Variants in DNAH17 observed in about 807,000 individuals in gnomAD.
DNAH17 encodes axonemal beta dynein heavy chain 17.
A neutral mutation model predicts 485.6 loss-of-function variants in DNAH17; 376 were observed. The observed-to-expected ratio is 0.77, with a 90% CI of 0.71 to 0.84. DNAH17 has a LOEUF of 0.84. DNAH17 is among the 40% of genes least tolerant of loss of function. The pLI is 0.00. For synonymous variants in DNAH17, 3,031 were observed against 2,405.9 expected (o/e 1.26, Z -7.60); for missense variants, 6,370 against 5,839.3 (o/e 1.09, Z -2.96).
intron 71 of DNAH17, among the ~76,000 whole-genome samples, chr17:78,443,540 G>A (rs1329185551): frequency 1.3e-5 from 1 of 75,622 alleles, no homozygotes; most frequent in African/African-American, 4.6e-5. Flanking sequence ...TGTCAGAAGG[G>A]AATTCTTTTT....
At chr17:78,456,097 G>A (rs920810539) in intron 62 of DNAH17, among the ~76,000 whole-genome samples, 1 of 152,004 alleles carries the variant, frequency 6.6e-6, no homozygotes, top group Non-Finnish European at 1.5e-5. Context: ...TCAGGGGGTC[G>A]ATACCAGCCT....
chr17:78,447,264 G>C (rs1012566059), intron 69 of DNAH17, among the ~76,000 whole-genome samples: 5 of 152,216 alleles, frequency 3.3e-5, no homozygotes, highest in African/African-American at 9.6e-5. Flanking sequence ...ATGCTGTTGT[G>C]AATGCTGATG....
chr17:78,460,396 A>C, intron 58 of DNAH17, 139 bp from the exon 59 acceptor site: 1 of 646,182 alleles, frequency 1.5e-6, no homozygotes, highest in Non-Finnish European at 2.6e-6. Flanking sequence ...ATATATGTGC[A>C]TGAGTGTATG....
rs1041355059 is a variant in DNAH17, at chr17:78,571,198, G to C, written c.832+81C>G. ...TCGCAGAGGGAGGCCAACATCCTAGGGTTGGTGACAAGTCTGACCCAGCCC... is the reference window on the plus strand; with the variant it reads ...TCGCAGAGGGAGGCCAACATCCTAGCGTTGGTGACAAGTCTGACCCAGCCC... On this transcript the variant is annotated intron_variant, in intron 5 of 80. Coordinates refer to ENST00000389840, the MANE Select transcript of DNAH17 (RefSeq NM_173628.4). 8.0e-6 allele frequency: 11 copies of C among 1,369,298 alleles called. No individual in the cohort carries two copies. The Admixed American group carries it at 1.4e-4, about 17-fold the overall frequency. 84.8% of individuals were successfully genotyped at this position (1,369,298 alleles called of 1,614,324 possible). A position where few individuals can be genotyped will look rare whatever the true frequency, so the allele number is the denominator to read the frequency against.
Position 78,485,898 on chromosome 17 carries a change from G to A in DNAH17, c.7275+62C>T, listed in dbSNP as rs949495664. Reference sequence around the variant, plus strand: ...GGACATTCCGTGCAGGCGTGTGGAGGGTACTGCACCGATTCCTGCCTCTAA... The same window carrying A: ...GGACATTCCGTGCAGGCGTGTGGAGAGTACTGCACCGATTCCTGCCTCTAA... On this transcript the variant is annotated intron_variant, in intron 46 of 80. Coordinates refer to ENST00000389840, the MANE Select transcript of DNAH17 (RefSeq NM_173628.4). 10 of 1,581,930 alleles carry A rather than the reference G, an allele frequency of 6.3e-6. No individual in the cohort carries two copies. In the East Asian group the frequency reaches 6.7e-5, roughly 11 times the overall value.
At chr17:78,441,260 C>G in intron 71 of DNAH17, 61 bp from the exon 72 acceptor site, 2 of 1,586,266 alleles carry the variant, frequency 1.3e-6, no homozygotes, top group Non-Finnish European at 1.7e-6. Context: ...GCGGGGCGCT[C>G]GGGGTGGGCT....
Position 78,462,835 on chromosome 17 carries a change from C to CT in DNAH17, c.9174+8dup, listed in dbSNP as rs757202538. 3 of 1,613,790 alleles carry CT rather than the reference C, an allele frequency of 1.9e-6. No homozygotes were observed. In the East Asian group the frequency reaches 6.7e-5, roughly 36 times the overall value. On this transcript the variant is annotated intron_variant, in intron 57 of 80. Coordinates refer to ENST00000389840, the MANE Select transcript of DNAH17 (RefSeq NM_173628.4). ...GCACAGGAGCTGGCAGCCAGCCCCC[C>CT]TCTCCTACCTGGGAAGCCGTGCTCT...
chr17:78,572,494 TG>T (rs900131921), intron 3 of DNAH17, among the ~76,000 whole-genome samples: 1 of 152,082 alleles, frequency 6.6e-6, no homozygotes, highest in African/African-American at 2.4e-5. Flanking sequence ...CTGCAGAGCC[TG>T]CTCCCTCCCT....
chr17:78,519,378 G>A (rs1323652782), intron 25 of DNAH17, among the ~76,000 whole-genome samples: 1 of 151,926 alleles, frequency 6.6e-6, no homozygotes, highest in Non-Finnish European at 1.5e-5. Flanking sequence ...AATAATCCAA[G>A]TTTCTACCTC....
At chr17:78,433,992 G>T in intron 75 of DNAH17, 37 bp downstream of exon 75, 1 of 1,525,220 alleles carries the variant, frequency 6.6e-7, no homozygotes, top group Non-Finnish European at 8.9e-7. Context: ...AAAGAGGGAG[G>T]GATATGTCCA....
intron 33 of DNAH17, 156 bp from the exon 34 acceptor site, chr17:78,502,029 C>G (rs898472952): frequency 9.4e-7 from 1 of 1,061,274 alleles, no homozygotes; most frequent in African/African-American, 1.6e-5. Flanking sequence ...CAGCCAGGCA[C>G]TGGTTTCACC....
intron 19 of DNAH17, among the ~76,000 whole-genome samples, chr17:78,535,615 C>T (rs985938671): frequency 2.0e-5 from 3 of 152,314 alleles, no homozygotes; most frequent in East Asian, 1.9e-4. Flanking sequence ...ACAAATCATA[C>T]GTGTCCATTA....
At chr17:78,541,409 T>G (rs540650706) in intron 17 of DNAH17, among the ~76,000 whole-genome samples, 2 of 148,844 alleles carry the variant, frequency 1.3e-5, no homozygotes, top group African/African-American at 5.0e-5. Context: ...GGGTGGATGG[T>G]TGGATGGATG....
At chr17:78,525,439 G>A (rs1385760790) in intron 24 of DNAH17, among the ~76,000 whole-genome samples, 4 of 152,234 alleles carry the variant, frequency 2.6e-5, no homozygotes, top group Non-Finnish European at 5.9e-5. Flanking sequence ...TTCCTCCTGA[G>A]AGTTTCTGAT....
rs368015530 is a variant in DNAH17 at position 78,491,506 on chromosome 17, G to A, written c.6606C>T (p.Ile2202=). Residue 2202 remains isoleucine (I), a synonymous_variant, in exon 43 of 81, where the codon ATC becomes ATT. Coordinates refer to ENST00000389840, the MANE Select transcript of DNAH17 (RefSeq NM_173628.4). ...NITHDGPKWI[I]LDGDIDPMWI... is the part of the protein sequence containing the mutation. The stretch of plus-strand genomic sequence containing the variant: ...ACATGGGGTCTATGTCTCCGTCAAG[G>A]ATGATCCACTTGGGGCCGTCATGGG... 128 of 1,613,850 alleles carry A rather than the reference G, an allele frequency of 7.9e-5. No individual in the cohort carries two copies. Among genetic ancestry groups the A allele is most frequent in the African/African-American group, 6.8e-4 (51 of 75,050 alleles).
Position 78,424,073 on chromosome 17 carries a change from TGAA to T in DNAH17, c.13219_13221del (p.Phe4407del). The T allele has an allele frequency of 6.2e-7, 1 of 1,613,996 alleles. No individual in the cohort carries two copies. Among genetic ancestry groups the T allele is most frequent in the Non-Finnish European group, 8.5e-7 (1 of 1,179,874 alleles). On this transcript the variant is annotated inframe_deletion, in exon 81 of 81. Transcript: ENST00000389840. ...ATGCGGTCCACAGGAATGGCCTTGA[TGAA>T]GATGACAGGCATGGCCGGGGTCAGC... is the stretch of plus-strand genomic sequence containing the variant.
chr17:78,533,848 C>T (rs1270264362), intron 19 of DNAH17, among the ~76,000 whole-genome samples: 2 of 152,074 alleles, frequency 1.3e-5, no homozygotes, highest in Non-Finnish European at 2.9e-5. Flanking sequence ...CCATGCCTGG[C>T]TAATTTTTTG....
chr17:78,425,545 A>AAGGGGGTTGAAG lies in DNAH17; in HGVS notation c.12941_12942insCTTCAACCCCCT (p.Phe4314_Ala4315insPheAsnProLeu). ...CCAGCCACACGGTGGTGGGCAGGGC[A>AAGGGGGTTGAAG]AAGTCTGTCGTCCAGGCCTCGAGTT... On this transcript the variant is annotated inframe_insertion, in exon 80 of 81. Coordinates refer to ENST00000389840, the MANE Select transcript of DNAH17 (RefSeq NM_173628.4). 6.2e-7 allele frequency: 1 copy of AAGGGGGTTGAAG among 1,612,958 alleles called. No individual in the cohort carries two copies.
intron 22 of DNAH17, 132 bp downstream of exon 22, chr17:78,529,340 G>A: frequency 3.4e-6 from 3 of 889,426 alleles, no homozygotes; most frequent in Non-Finnish European, 5.3e-6. Context: ...CCTGTTCCAT[G>A]GGGATCTGAT....
Sources: gnomAD v4.1 joint callset for allele counts (sites outside exome capture counted in the v4.1 genomes callset) on GRCh38, gnomAD v4.1.1 for gene constraint, MANE v1.5 for transcripts, NCBI Gene and HGNC (gene_info 2026-07-23, HGNC 2026-07-21) for gene names.